LRCH1: variants seen among roughly 807,000 people sequenced by gnomAD.
The protein encoded by LRCH1 is leucine rich repeats and calponin homology domain containing 1.
LRCH1 carries 23 observed loss-of-function variants against 94.9 expected under a neutral mutation model. That is an observed-to-expected ratio of 0.24 (90% CI 0.17 to 0.34). LRCH1 has a LOEUF of 0.34. Ranked by LOEUF, LRCH1 falls within the 10% of genes least tolerant of loss-of-function variation. LRCH1 has a pLI of 1.00. For missense variants in LRCH1, 790 were observed against 945.9 expected (o/e 0.84, Z 2.16); for synonymous variants, 364 against 354.9 (o/e 1.03, Z -0.29).
chr13:46,566,617 G>A (rs1412555294), intron 1 of LRCH1, among the ~76,000 whole-genome samples: 4 of 152,202 alleles, frequency 2.6e-5, no homozygotes, highest in Non-Finnish European at 5.9e-5. Context: ...AGACAGAGCC[G>A]AAATTGGAGC....
Position 46,669,018 on chromosome 13 carries a change from T to C in LRCH1, c.453-12T>C, listed in dbSNP as rs1350112808. The C allele has an allele frequency of 6.2e-7, 1 of 1,613,672 alleles. No homozygotes were observed. The highest frequency in any genetic ancestry group is 1.3e-5 in the African/African-American group (1 of 74,860). On this transcript the variant is annotated splice_polypyrimidine_tract_variant and intron_variant, in intron 2 of 19. Coordinates refer to ENST00000389797, the MANE Select transcript of LRCH1 (RefSeq NM_001164211.2). ...TCTGTTTACATGTGTTCTTGTTGTA[T>C]TGTCTTTGCAGTCGAAATCAGCTGT...
intron 2 of LRCH1, among the ~76,000 whole-genome samples, chr13:46,667,932 C>G (rs12430501): frequency 0.1 from 15,701 of 152,270 alleles, 899 homozygotes; most frequent in East Asian, 0.23. Context: ...TACACAGATA[C>G]ATGCATGTCT....
At chr13:46,661,246 A>G (rs1302194042) in intron 2 of LRCH1, among the ~76,000 whole-genome samples, 2 of 152,200 alleles carry the variant, frequency 1.3e-5, no homozygotes, top group East Asian at 1.9e-4. Context: ...AGAGGCACTC[A>G]CTAGCCAGGC....
At chr13:46,709,663 G>A (rs1471657330) in intron 13 of LRCH1, among the ~76,000 whole-genome samples, 1 of 151,868 alleles carries the variant, frequency 6.6e-6, no homozygotes, top group Non-Finnish European at 1.5e-5. Flanking sequence ...AAAAAAAAAA[G>A]ATACTTTTAT....
At chr13:46,602,978 GCATA>G (rs35011134) in intron 1 of LRCH1, among the ~76,000 whole-genome samples, 12 of 149,818 alleles carry the variant, frequency 8.0e-5, no homozygotes, top group South Asian at 2.1e-4. Context: ...ATACATGCAT[GCATA>G]CATACATACA....
rs933481387 is a variant in LRCH1, at chr13:46,743,241, A to T, written c.*1393A>T. 3 of 985,670 alleles carry T rather than the reference A, an allele frequency of 3.0e-6. No homozygotes were observed. The African/African-American group carries it at 5.2e-5, about 17-fold the overall frequency. The allele number at this position is 985,670 out of a possible 1,614,324, so 61.1% of individuals were successfully genotyped here. On this transcript the variant is annotated 3_prime_UTR_variant, in exon 20 of 20. Transcript: ENST00000389797. ...AAATCTTATTTTTCTGAACATTTTC[A>T]TGAATCCAGGGGACTTGAAAATATG...
At position 46,608,236 on chromosome 13, in the gene LRCH1, C is replaced by A. The variant is rs528661429; in HGVS notation, c.308-41965C>A. Among the ~76,000 whole-genome samples, 9 of 152,312 alleles carry A rather than the reference C, an allele frequency of 5.9e-5. No homozygotes were observed. In the South Asian group the frequency reaches 1.9e-3, roughly 32 times the overall value. ...ACACGAGTCACAGGGCAGAAAAGTG[C>A]AGACGTGTTCTTGTGCGACCTCCAG... is the stretch of plus-strand genomic sequence containing the variant. On this transcript the variant is annotated intron_variant, in intron 1 of 19. Coordinates refer to ENST00000389797, the MANE Select transcript of LRCH1 (RefSeq NM_001164211.2).
intron 1 of LRCH1, 102 bp downstream of exon 1, chr13:46,553,805 G>C (rs1020336380): frequency 1.0e-5 from 16 of 1,542,324 alleles, no homozygotes; most frequent in Non-Finnish European, 1.4e-5. Flanking sequence ...TCTTGCTGGG[G>C]GAGGGAGGGT....
intron 1 of LRCH1, among the ~76,000 whole-genome samples, chr13:46,621,896 A>G (rs927246356): frequency 6.6e-6 from 1 of 152,180 alleles, no homozygotes; most frequent in African/African-American, 2.4e-5. Flanking sequence ...TTAATCCTGC[A>G]GACATTTATC....
intron 1 of LRCH1, among the ~76,000 whole-genome samples, chr13:46,590,278 C>T (rs192631499): frequency 5.1e-4 from 78 of 152,210 alleles, no homozygotes; most frequent in African/African-American, 1.8e-3. Flanking sequence ...TTCCTGTCCT[C>T]CCCCCTTCAC....
chr13:46,715,777 T>TGA (rs1261508012), intron 16 of LRCH1, 113 bp downstream of exon 16: 15 of 683,250 alleles, frequency 2.2e-5, no homozygotes, highest in Non-Finnish European at 3.9e-5. Context: ...ATGCTTGGTA[T>TGA]GAGAAATAAT....
intron 2 of LRCH1, among the ~76,000 whole-genome samples, chr13:46,654,279 T>C (rs937886517): frequency 6.6e-6 from 1 of 152,238 alleles, no homozygotes; most frequent in Admixed American, 6.5e-5. Flanking sequence ...ATCATGCTTG[T>C]GTGTGATGAC....
chr13:46,721,951 T>C (rs1566249234), intron 16 of LRCH1, among the ~76,000 whole-genome samples: 1 of 152,220 alleles, frequency 6.6e-6, no homozygotes, highest in Non-Finnish European at 1.5e-5. Flanking sequence ...AAGGCACAAA[T>C]TGAAATTAAA....
At chr13:46,583,362 A>G (rs537408861) in intron 1 of LRCH1, among the ~76,000 whole-genome samples, 6 of 152,244 alleles carry the variant, frequency 3.9e-5, no homozygotes, top group Non-Finnish European at 8.8e-5. Flanking sequence ...GTACCAAGAT[A>G]TCTTTCTTGA....
chr13:46,733,961 AC>A lies in LRCH1; in HGVS notation c.2049del (p.Leu685TrpfsTer7). 1.2e-6 allele frequency: 2 copies of A among 1,605,648 alleles called. No individual in the cohort carries two copies. Among genetic ancestry groups the A allele is most frequent in the Non-Finnish European group, 1.7e-6 (2 of 1,175,744 alleles). ...GCCAAATGCAGAAGAAATGTGGAAA[AC>A]TTTTTGGAAGCATGCCGAAAATTAG... is the stretch of plus-strand genomic sequence containing the variant. The part of the protein sequence containing the change: ...SMAKCRRNVE[N>X]FLEACRKLGV... On this transcript the variant is annotated frameshift_variant, in exon 19 of 20. Coordinates refer to ENST00000389797, the MANE Select transcript of LRCH1 (RefSeq NM_001164211.2). LOFTEE classifies it high-confidence loss of function.
At chr13:46,727,386 C>T (rs1455310282) in intron 17 of LRCH1, among the ~76,000 whole-genome samples, 2 of 152,194 alleles carry the variant, frequency 1.3e-5, no homozygotes, top group Non-Finnish European at 2.9e-5. Context: ...AGCCTCGGGA[C>T]CTGTGGGAGT....
chr13:46,604,062 G>C (rs9534437), intron 1 of LRCH1, among the ~76,000 whole-genome samples: 7,577 of 152,214 alleles, frequency 0.05, 235 homozygotes, highest in East Asian at 0.1. Context: ...GAGGAGTATT[G>C]AAAGAATTAG....
intron 13 of LRCH1, 63 bp downstream of exon 13, chr13:46,705,367 C>A (rs577180399): frequency 7.5e-7 from 1 of 1,332,628 alleles, no homozygotes. Context: ...TACTGGCCAC[C>A]ACATTCTGTA....
intron 16 of LRCH1, among the ~76,000 whole-genome samples, chr13:46,718,333 G>A (rs1872426170): frequency 6.6e-6 from 1 of 152,068 alleles, no homozygotes; most frequent in Non-Finnish European, 1.5e-5. Flanking sequence ...CAGTAATCTT[G>A]CACTATAGGT....
Sources: gnomAD v4.1 joint callset for allele counts (sites outside exome capture counted in the v4.1 genomes callset) on GRCh38, gnomAD v4.1.1 for gene constraint, MANE v1.5 for transcripts, NCBI Gene and HGNC (gene_info 2026-07-23, HGNC 2026-07-21) for gene names.